CAPN13: variants seen among roughly 807,000 people sequenced by gnomAD.
CAPN13 encodes calpain 13.
A neutral mutation model predicts 98.4 loss-of-function variants in CAPN13; 90 were observed. The observed-to-expected ratio is 0.92, with a 90% confidence interval of 0.77 to 1.09. The LOEUF (loss-of-function observed/expected upper bound fraction) is 1.09. Ranked by LOEUF, CAPN13 falls within the 50% of genes least tolerant of loss-of-function variation. CAPN13 has a pLI of 0.00. For synonymous variants in CAPN13, 330 were observed against 305.5 expected (o/e 1.08, Z -0.84); for missense variants, 887 against 841.3 (o/e 1.05, Z -0.67).
intron 1 of CAPN13, among the ~76,000 whole-genome samples, chr2:30,790,521 G>A (rs1161552179): frequency 6.6e-6 from 1 of 152,184 alleles, no homozygotes; most frequent in Non-Finnish European, 1.5e-5. Flanking sequence ...GAATTAGGCT[G>A]AGAAGCAAGC....
intron 20 of CAPN13, among the ~76,000 whole-genome samples, chr2:30,731,755 C>T (rs540532): frequency 0.84 from 127,126 of 152,228 alleles, 53,558 homozygotes; most frequent in African/African-American, 0.93. Flanking sequence ...CCTGTGCAAC[C>T]GAGAACTGTG....
chr2:30,798,703 G>C (rs1675016385), intron 1 of CAPN13, among the ~76,000 whole-genome samples: 1 of 152,206 alleles, frequency 6.6e-6, no homozygotes, highest in African/African-American at 2.4e-5. Context: ...TAATGTAGCA[G>C]AACACGACAG....
At chr2:30,759,641 C>T (rs944574853) in intron 7 of CAPN13, among the ~76,000 whole-genome samples, 2 of 152,162 alleles carry the variant, frequency 1.3e-5, no homozygotes, top group Admixed American at 1.3e-4. Context: ...TAGGTGCGGG[C>T]TGATGTGCGC....
chr2:30,783,838 C>G (rs1200291484), intron 2 of CAPN13, among the ~76,000 whole-genome samples: 1 of 152,174 alleles, frequency 6.6e-6, no homozygotes, highest in African/African-American at 2.4e-5. Context: ...TGGACAGGCA[C>G]TCAGCAAGCT....
rs552959044 is a variant in CAPN13, at chr2:30,738,212, GGA to G, written c.1653+21_1653+22del. On this transcript the variant is annotated intron_variant, in intron 17 of 22. Coordinates refer to ENST00000295055, the MANE Select transcript of CAPN13 (RefSeq NM_144575.3). The stretch of plus-strand genomic sequence containing the variant: ...AGAGCTGAGGGGTGCTCAGAGCATG[GGA>G]GGGATGACCGCAAAGGATACTTCCA... The G allele has an allele frequency of 1.4e-5, 22 of 1,613,672 alleles. No homozygotes were observed. The African/African-American group carries it at 2.9e-4, about 22-fold the overall frequency.
rs370539000 is a variant in CAPN13, at chr2:30,787,135, C to T, written c.191G>A (p.Arg64Gln). ...EKRLSNVIWK[R>Q]PQDLPGGPPH... ...CGTGTGGGGCTCACTCACCTGTGGC[C>T]GCTTCCATATCACATTGGAGAGGCG... Residue 64 changes from arginine (R) to glutamine (Q), a missense_variant, in exon 2 of 23, where the codon CGG (arginine) becomes CAG (glutamine). Coordinates refer to ENST00000295055, the MANE Select transcript of CAPN13 (RefSeq NM_144575.3). The T allele has an allele frequency of 5.1e-5, 79 of 1,561,332 alleles. No homozygotes were observed. Among genetic ancestry groups the T allele is most frequent in the Middle Eastern group, 2.0e-4 (1 of 4,978 alleles).
intron 5 of CAPN13, among the ~76,000 whole-genome samples, chr2:30,764,507 C>T (rs1673013600): frequency 3.9e-5 from 6 of 152,190 alleles, no homozygotes. Context: ...ATCCTCTGTA[C>T]CTTCCTGCCC....
chr2:30,753,290 C>T, intron 9 of CAPN13, 92 bp from the exon 10 acceptor site: 1 of 1,319,628 alleles, frequency 7.6e-7, no homozygotes, highest in Non-Finnish European at 1.1e-6. Flanking sequence ...CACTGTCCTG[C>T]CCAGAGGCCA....
chr2:30,801,400 G>T (rs1163973289), intron 1 of CAPN13, among the ~76,000 whole-genome samples: 1 of 151,758 alleles, frequency 6.6e-6, no homozygotes, highest in Non-Finnish European at 1.5e-5. Flanking sequence ...TGGATCACGA[G>T]GTCAGGAGTT....
chr2:30,793,942 C>T (rs982655114), intron 1 of CAPN13, among the ~76,000 whole-genome samples: 1 of 151,512 alleles, frequency 6.6e-6, no homozygotes, highest in Non-Finnish European at 1.5e-5. Context: ...AAAATGATCA[C>T]AGACCTAAAG....
In CAPN13 at chr2:30,738,400, C is replaced by T. The variant is rs753373607; in HGVS notation, c.1594G>A (p.Gly532Arg). ...CAGCTTGCCCTTGGGCTGCTCATAC[C>T]TGTTAGAAGCTCCTGGTTGAGAAGG... The part of the protein sequence containing the change: ...QGLLNQELLT[G>R]PPGDMFSLDE... The change falls in exon 16 of 23, where the codon GGA (glycine) becomes AGA (arginine). Residue 532 changes from glycine (G) to arginine (R), a missense_variant and splice_region_variant. By Grantham distance (125) the Gly-to-Arg change is moderately radical. Coordinates refer to ENST00000295055, the MANE Select transcript of CAPN13 (RefSeq NM_144575.3). The T allele has an allele frequency of 1.9e-6, 3 of 1,609,034 alleles. No homozygotes were observed. Among genetic ancestry groups the T allele is most frequent in the Non-Finnish European group, 2.5e-6 (3 of 1,177,492 alleles).
intron 2 of CAPN13, among the ~76,000 whole-genome samples, chr2:30,783,889 C>T (rs1674120538): frequency 1.3e-5 from 2 of 152,152 alleles, no homozygotes; most frequent in Admixed American, 1.3e-4. Flanking sequence ...TGATAGAAAG[C>T]AGAACATGAG....
chr2:30,742,476 C>A lies in CAPN13; in HGVS notation c.1446-117G>T, dbSNP rs1671712106. 10 of 1,074,408 alleles carry A rather than the reference C, an allele frequency of 9.3e-6. No homozygotes were observed. The South Asian group carries it at 1.4e-4, about 15-fold the overall frequency. The allele number at this position is 1,074,408 out of a possible 1,614,324, so 66.6% of individuals were successfully genotyped here. On this transcript the variant is annotated intron_variant, in intron 13 of 22. Coordinates refer to ENST00000295055, the MANE Select transcript of CAPN13 (RefSeq NM_144575.3). Reference sequence around the variant, plus strand: ...TGATGCCAAGTTCCTGAATGGGGCACCCTCAGCACCGCAGGACACGAAGTG... The same window carrying A: ...TGATGCCAAGTTCCTGAATGGGGCAACCTCAGCACCGCAGGACACGAAGTG...
intron 6 of CAPN13, 42 bp downstream of exon 6, chr2:30,764,090 G>A (rs1672984465): frequency 1.3e-6 from 2 of 1,532,118 alleles, no homozygotes; most frequent in Non-Finnish European, 1.8e-6. Flanking sequence ...TCCTGGCTGA[G>A]GAAAGCTTGA....
At chr2:30,785,665 C>G (rs188338578) in intron 2 of CAPN13, among the ~76,000 whole-genome samples, 59 of 152,246 alleles carry the variant, frequency 3.9e-4, no homozygotes, top group Non-Finnish European at 7.5e-4. Flanking sequence ...ATTAGAATCT[C>G]TCAATCCTTT....
chr2:30,795,854 G>A (rs1674830211), intron 1 of CAPN13, among the ~76,000 whole-genome samples: 1 of 151,928 alleles, frequency 6.6e-6, no homozygotes, highest in South Asian at 2.1e-4. Flanking sequence ...AACTTTGTAA[G>A]AGATTCTCTT....
At position 30,725,797 on chromosome 2, in the gene CAPN13, C is replaced by G. The variant is rs145591547; in HGVS notation, c.*31-2561G>C. Among the ~76,000 whole-genome samples, 919 of 152,222 alleles carry G rather than the reference C, an allele frequency of 6.0e-3. 6 individuals carry two copies. The highest frequency in any genetic ancestry group is 0.021 in the African/African-American group (869 of 41,546). On this transcript the variant is annotated intron_variant, in intron 22 of 22. Coordinates refer to ENST00000295055, the MANE Select transcript of CAPN13 (RefSeq NM_144575.3). ...GGATAGAGTTGAAGTGACCAGGACA[C>G]TTTCAACTTTTTCAAAAAAGTGAGG...
At chr2:30,742,298 C>G (rs375507874) in intron 14 of CAPN13, 28 bp downstream of exon 14, 2 of 1,594,268 alleles carry the variant, frequency 1.3e-6, no homozygotes, top group Non-Finnish European at 1.7e-6. Context: ...CAATGAGGCT[C>G]GCCAGCCAAA....
chr2:30,769,258 G>A (rs1673265759), intron 5 of CAPN13, among the ~76,000 whole-genome samples: 1 of 152,062 alleles, frequency 6.6e-6, no homozygotes, highest in Non-Finnish European at 1.5e-5. Context: ...TTGGGTGTGA[G>A]AAGTGTGTGT....
Sources: gnomAD v4.1 joint callset for allele counts (sites outside exome capture counted in the v4.1 genomes callset) on GRCh38, gnomAD v4.1.1 for gene constraint, MANE v1.5 for transcripts, NCBI Gene and HGNC (gene_info 2026-07-23, HGNC 2026-07-21) for gene names.